The following MYLK3 variants were observed in gnomAD, a reference collection of about 807,000 sequenced individuals.
The protein encoded by MYLK3 is myosin light chain kinase 3, also known as MLC kinase.
Under a neutral mutation model 76.3 loss-of-function variants are expected in MYLK3, and 55 were observed. That is an observed-to-expected ratio of 0.72 (90% CI 0.58 to 0.90). MYLK3 has a LOEUF of 0.90. MYLK3 is among the 40% of genes least tolerant of loss of function. The probability of loss-of-function intolerance (pLI) is 0.00; values close to 1 mark genes in which losing one functional copy is unlikely to be tolerated. For synonymous variants in MYLK3, 416 were observed against 425.4 expected (o/e 0.98, Z 0.27); for missense variants, 973 against 1,053.6 (o/e 0.92, Z 1.06).
chr16:46,725,005 T>G (rs897453622), intron 8 of MYLK3, among the ~76,000 whole-genome samples: 1 of 152,210 alleles, frequency 6.6e-6, no homozygotes, highest in African/African-American at 2.4e-5. Context: ...TTGCACTTAT[T>G]TTGTTAATTT....
At chr16:46,757,681 C>T in intron 1 of MYLK3, 1 of 881,416 alleles carries the variant, frequency 1.1e-6, no homozygotes, top group Non-Finnish European at 1.4e-6. Context: ...TGACCCTGTC[C>T]AGGCCCCAGC....
chr16:46,711,989 AT>A (rs35047277), intron 10 of MYLK3, among the ~76,000 whole-genome samples: 105,193 of 116,436 alleles, frequency 0.9, 47,287 homozygotes, highest in South Asian at 0.96. Flanking sequence ...TCAAGCCATA[AT>A]TTTTTTTTTT....
chr16:46,728,310 C>A (rs1966846300), intron 7 of MYLK3, among the ~76,000 whole-genome samples: 1 of 152,184 alleles, frequency 6.6e-6, no homozygotes, highest in South Asian at 2.1e-4. Flanking sequence ...CACATCACTT[C>A]CACTTGGAAA....
intron 3 of MYLK3, 96 bp from the exon 4 acceptor site, chr16:46,732,764 A>C: frequency 9.7e-7 from 1 of 1,032,266 alleles, no homozygotes; most frequent in Admixed American, 3.0e-5. Context: ...CATCATTGAC[A>C]ATGGCCCTGG....
intron 1 of MYLK3, among the ~76,000 whole-genome samples, chr16:46,746,017 T>A (rs1204374871): frequency 6.6e-6 from 1 of 152,110 alleles, no homozygotes; most frequent in Non-Finnish European, 1.5e-5. Context: ...ATTAATTTTG[T>A]TAAAGCTATT....
chr16:46,730,181 G>A (rs1409991038), intron 5 of MYLK3, among the ~76,000 whole-genome samples: 2 of 139,952 alleles, frequency 1.4e-5, no homozygotes, highest in Non-Finnish European at 3.1e-5. Context: ...GCACCCCAGG[G>A]AACATCCCCT....
rs1243582756 is a variant in MYLK3 at position 46,705,857 on chromosome 16, G to GTGA, written c.*1846_*1847insTCA. On this transcript the variant is annotated 3_prime_UTR_variant, in exon 13 of 13. Transcript: ENST00000394809. Reference sequence around the variant, plus strand: ...CAAAAATTAGCTGGGTGTAGTAGCGGGCACCTATGGTCCCAGGTACTCATG... The same window carrying GTGA: ...CAAAAATTAGCTGGGTGTAGTAGCGGTGAGCACCTATGGTCCCAGGTACTCATG... 8 of 151,800 alleles carry GTGA rather than the reference G, an allele frequency of 5.3e-5. No homozygotes were observed. The highest frequency in any genetic ancestry group is 1.7e-4 in the African/African-American group (7 of 41,270). 9.4% of individuals were successfully genotyped at this position (151,800 alleles called of 1,614,324 possible).
Position 46,727,267 on chromosome 16 carries a change from T to C in MYLK3, c.1883A>G (p.His628Arg). 1 of 1,614,064 alleles carries C rather than the reference T, an allele frequency of 6.2e-7. No individual in the cohort carries two copies. The highest frequency in any genetic ancestry group is 8.5e-7 in the Non-Finnish European group (1 of 1,179,940). ...RQICEGVHYL[H>R]QHYILHLDLK... ...GTCCAGGTGCAGGATGTAGTGCTGG[T>C]GCAGGTAATGCACACCCTCACAGAT... is the stretch of plus-strand genomic sequence containing the variant. The change falls in exon 8 of 13, where the codon CAC becomes CGC. Residue 628 changes from histidine (H) to arginine (R), a missense_variant. Transcript: ENST00000394809.
Position 46,716,077 on chromosome 16 carries a change from C to T in MYLK3, c.1986-3301G>A, listed in dbSNP as rs146817804. Among the ~76,000 whole-genome samples, 651 of 152,294 alleles carry T rather than the reference C, an allele frequency of 4.3e-3. 2 individuals are homozygous for T. The highest frequency in any genetic ancestry group is 0.015 in the African/African-American group (607 of 41,576). The stretch of plus-strand genomic sequence containing the variant: ...GCCAGAACCTGTGTCTCTGCCAGCC[C>T]GGCCCCACGGAGTGCGGTTTCCTGC... On this transcript the variant is annotated intron_variant, in intron 9 of 12. Transcript: ENST00000394809.
chr16:46,729,970 C>T, intron 5 of MYLK3: 1 of 542,902 alleles, frequency 1.8e-6, no homozygotes, highest in Non-Finnish European at 3.3e-6. Context: ...TCACCCCACA[C>T]CACCCAGGCC....
rs1967055624 is a variant in MYLK3 at position 46,747,830 on chromosome 16, C to G, written c.364G>C (p.Asp122His). 10 of 1,614,214 alleles carry G rather than the reference C, an allele frequency of 6.2e-6. No individual in the cohort carries two copies. The highest frequency in any genetic ancestry group is 7.6e-6 in the Non-Finnish European group (9 of 1,180,042). The change falls in exon 1 of 13, where the codon GAC becomes CAC. Residue 122 changes from aspartate (D) to histidine (H), a missense_variant. This residue lies in a region of MYLK3 where 641 missense variants were observed against 637.0 expected (regional missense o/e 1.01). Transcript: ENST00000394809. ...EALFRMVAAVDRAIALVGATF... is the reference protein window; with the variant it reads ...EALFRMVAAVHRAIALVGATF... ...GCCCCCACCAAAGCGATGGCCCTGT[C>G]CACCGCAGCCACCATCCTGAAGAGG...
intron 3 of MYLK3, 56 bp from the exon 4 acceptor site, chr16:46,732,724 A>G: frequency 7.3e-7 from 1 of 1,367,442 alleles, no homozygotes; most frequent in Non-Finnish European, 9.7e-7. Flanking sequence ...TGGAGTCAGA[A>G]CAGACGTGGG....
At chr16:46,754,593 G>A (rs1040086571) in intron 1 of MYLK3, among the ~76,000 whole-genome samples, 3 of 152,166 alleles carry the variant, frequency 2.0e-5, no homozygotes, top group Non-Finnish European at 4.4e-5. Flanking sequence ...CCAGCAAGAA[G>A]GTCCTCACCA....
chr16:46,749,986 C>T (rs1223213396), upstream of MYLK3, among the ~76,000 whole-genome samples: 1 of 151,550 alleles, frequency 6.6e-6, no homozygotes, highest in African/African-American at 2.4e-5. Context: ...TATTCACCGC[C>T]ACTGAAAACA....
At chr16:46,730,844 CAGT>C in intron 4 of MYLK3, 146 bp from the exon 5 acceptor site, 1 of 665,760 alleles carries the variant, frequency 1.5e-6, no homozygotes, top group Non-Finnish European at 2.6e-6. Flanking sequence ...CAAACCATCT[CAGT>C]AGAGCCATCC....
chr16:46,712,828 T>G, intron 9 of MYLK3, 52 bp from the exon 10 acceptor site: 1 of 1,483,412 alleles, frequency 6.7e-7, no homozygotes, highest in Non-Finnish European at 9.0e-7. Context: ...CTGGGAGATG[T>G]GGTGCTGGGG....
chr16:46,737,406 C>T (rs1302901100), intron 3 of MYLK3, among the ~76,000 whole-genome samples: 1 of 152,196 alleles, frequency 6.6e-6, no homozygotes, highest in Non-Finnish European at 1.5e-5. Context: ...CAACCCTGTT[C>T]CCCATTAGGA....
intron 1 of MYLK3, among the ~76,000 whole-genome samples, chr16:46,746,757 G>A (rs1286386410): frequency 1.3e-5 from 2 of 152,150 alleles, no homozygotes; most frequent in Non-Finnish European, 2.9e-5. Context: ...GCTTTGTTAG[G>A]GTCACACTGC....
At chr16:46,730,836 A>T (rs988495783) in intron 4 of MYLK3, 138 bp from the exon 5 acceptor site, 2 of 700,942 alleles carry the variant, frequency 2.9e-6, no homozygotes, top group Admixed American at 4.8e-5. Flanking sequence ...CTTTTCTCCA[A>T]ACCATCTCAG....
Sources: gnomAD v4.1 joint callset for allele counts (sites outside exome capture counted in the v4.1 genomes callset) on GRCh38, gnomAD v4.1.1 for gene constraint, gnomAD v4.1.1 regional missense constraint, MANE v1.5 for transcripts, NCBI Gene and HGNC (gene_info 2026-07-23, HGNC 2026-07-21) for gene names.